Variants in SEC14L2 observed in about 807,000 individuals in gnomAD.
SEC14L2 encodes SEC14 like lipid binding 2, also known as SEC14-like protein 2.
SEC14L2 carries 50 observed loss-of-function variants against 56.9 expected under a neutral mutation model. The observed-to-expected ratio is 0.88, with a 90% CI of 0.70 to 1.11. The LOEUF (loss-of-function observed/expected upper bound fraction) is 1.11. SEC14L2 is among the 50% of genes most tolerant of loss of function. The pLI is 0.00. For synonymous variants in SEC14L2, 179 were observed against 188.5 expected, an observed-to-expected ratio of 0.95 and a Z score of 0.41; for missense variants, 414 against 500.7, an observed-to-expected ratio of 0.83 and a Z score of 1.65.
In SEC14L2 at chr22:30,424,369, T is replaced by C; in HGVS notation, c.*1962T>C. 1 of 172,924 alleles carries C rather than the reference T, an allele frequency of 5.8e-6. No individual in the cohort carries two copies. The highest frequency in any genetic ancestry group is 1.3e-5 in the Non-Finnish European group (1 of 78,852). The allele number at this position is 172,924 out of a possible 1,614,324, so 10.7% of individuals were successfully genotyped here. ...CCCAACCTACAAGCCCAGCTCAGCT[T>C]GAGGTAACTGCTGACCGGACTGTCC... is the stretch of plus-strand genomic sequence containing the variant. On this transcript the variant is annotated 3_prime_UTR_variant, in exon 12 of 12. Transcript: ENST00000615189.
chr22:30,409,169 GCT>G lies in SEC14L2; in HGVS notation c.424-13_424-12del, dbSNP rs753505381. 40 of 1,609,614 alleles carry G rather than the reference GCT, an allele frequency of 2.5e-5. No homozygotes were observed. In the East Asian group the frequency reaches 5.1e-4, roughly 21 times the overall value. ...GTAGGACAGCCTGACAAGACTTCCT[GCT>G]CTCTGTTCCCTGCAGTTGGGGAGGA... On this transcript the variant is annotated splice_polypyrimidine_tract_variant and intron_variant, in intron 5 of 11. Transcript: ENST00000615189.
intron 2 of SEC14L2, among the ~76,000 whole-genome samples, chr22:30,401,585 C>T (rs1933936695): frequency 6.6e-6 from 1 of 151,654 alleles, no homozygotes; most frequent in Admixed American, 6.6e-5. Flanking sequence ...GCGATCTCGG[C>T]TCACTGCAAC....
chr22:30,398,071 G>A (rs1933809244), intron 1 of SEC14L2, among the ~76,000 whole-genome samples: 2 of 152,200 alleles, frequency 1.3e-5, no homozygotes, highest in South Asian at 2.1e-4. Flanking sequence ...GGCTGGGAAA[G>A]GTGGGGCGGG....
chr22:30,407,503 C>G lies in SEC14L2; in HGVS notation c.323C>G (p.Ala108Gly). ...TACGACATAATTGGACCTCTGGATG[C>G]CAAGGGTCTGCTGTTCTCAGCCTCC... ...VWYDIIGPLD[A>G]KGLLFSASKQ... The change falls in exon 5 of 12, where the codon GCC (alanine) becomes GGC (glycine). Residue 108 changes from alanine to glycine, a missense_variant. Ala to Gly is a moderately conservative substitution (Grantham distance 60). Transcript: ENST00000615189. 4.3e-6 allele frequency: 7 copies of G among 1,614,118 alleles called. No homozygotes were observed. The highest frequency in any genetic ancestry group is 5.1e-6 in the Non-Finnish European group (6 of 1,180,020).
chr22:30,418,107 G>A (rs887066937), intron 11 of SEC14L2, among the ~76,000 whole-genome samples: 6 of 152,088 alleles, frequency 3.9e-5, no homozygotes, highest in Admixed American at 6.5e-5. Context: ...TAGTAGAGAC[G>A]AGGTATCGCT....
intron 8 of SEC14L2, among the ~76,000 whole-genome samples, chr22:30,413,675 G>A (rs115507860): frequency 1.0e-3 from 153 of 152,298 alleles, no homozygotes; most frequent in African/African-American, 3.5e-3. Flanking sequence ...ATCTTTTGGT[G>A]ACACACGAGA....
chr22:30,416,448 C>T (rs993723344), intron 11 of SEC14L2, 45 bp downstream of exon 11: 5 of 1,614,156 alleles, frequency 3.1e-6, no homozygotes, highest in Non-Finnish European at 4.2e-6. Flanking sequence ...CCATGTCCAG[C>T]TTTCTGCCTG....
intron 8 of SEC14L2, among the ~76,000 whole-genome samples, chr22:30,415,328 G>A (rs1382332638): frequency 6.6e-6 from 1 of 152,172 alleles, no homozygotes; most frequent in African/African-American, 2.4e-5. Flanking sequence ...AGCTTCTCAG[G>A]AGGCTGAGGC....
intron 11 of SEC14L2, among the ~76,000 whole-genome samples, chr22:30,417,766 G>T (rs185879858): frequency 8.9e-4 from 136 of 152,220 alleles, no homozygotes; most frequent in African/African-American, 2.9e-3. Flanking sequence ...GGTAGTACCA[G>T]CACTACCAGG....
chr22:30,401,824 T>TC (rs1933946338), intron 2 of SEC14L2, among the ~76,000 whole-genome samples: 1 of 152,060 alleles, frequency 6.6e-6, no homozygotes, highest in African/African-American at 2.4e-5. Context: ...ACTCCTGGGA[T>TC]CAAGTGATCC....
In SEC14L2 at chr22:30,416,421, G is replaced by A; in HGVS notation, c.1081+18G>A. 6.2e-7 allele frequency: 1 copy of A among 1,614,218 alleles called. No homozygotes were observed. The highest frequency in any genetic ancestry group is 8.5e-7 in the Non-Finnish European group (1 of 1,180,042). On this transcript the variant is annotated intron_variant, in intron 11 of 11. Transcript: ENST00000615189. The stretch of plus-strand genomic sequence containing the variant: ...TGGCATCTGTAAGTATCTCTGCCTT[G>A]GCAATGCCTTGAAGCCCCATGTCCA...
In SEC14L2 at chr22:30,406,332, C is replaced by G. The variant is rs967351982; in HGVS notation, c.131-10C>G. The stretch of plus-strand genomic sequence containing the variant: ...ACCTAACCCTGACCAGAACTGTTTC[C>G]CTGTTACAGCCAGAAGCTTCGACCT... On this transcript the variant is annotated splice_polypyrimidine_tract_variant and intron_variant, in intron 2 of 11. Transcript: ENST00000615189. 1 of 1,613,992 alleles carries G rather than the reference C, an allele frequency of 6.2e-7. No homozygotes were observed. Among genetic ancestry groups the G allele is most frequent in the Non-Finnish European group, 8.5e-7 (1 of 1,179,940 alleles).
At chr22:30,415,428 G>A (rs1439310499) in intron 8 of SEC14L2, among the ~76,000 whole-genome samples, 1 of 152,176 alleles carries the variant, frequency 6.6e-6, no homozygotes, top group Non-Finnish European at 1.5e-5. Context: ...GTGAGACTCT[G>A]TCTCAAACAG....
chr22:30,398,734 C>T (rs983276183), intron 1 of SEC14L2: 31 of 471,456 alleles, frequency 6.6e-5, no homozygotes, highest in African/African-American at 4.4e-4. Context: ...TTTCTTCCCT[C>T]TGCTCCCCAG....
chr22:30,419,987 C>T (rs1358155346), intron 11 of SEC14L2, among the ~76,000 whole-genome samples: 1 of 143,852 alleles, frequency 7.0e-6, no homozygotes, highest in Non-Finnish European at 1.5e-5. Context: ...GAGTTTTGCT[C>T]TTGTTGCCCA....
chr22:30,401,356 CCCA>C lies in SEC14L2; in HGVS notation c.130+1646_130+1648del, dbSNP rs544008270. Among the ~76,000 whole-genome samples the C allele has an allele frequency of 8.6e-3, 1,223 of 142,732 alleles. 6 individuals are homozygous for C. Among genetic ancestry groups the C allele is most frequent in the Non-Finnish European group, 0.013 (831 of 65,034 alleles). The allele number at this position is 142,732 out of a possible 152,430, so 93.6% of individuals were successfully genotyped here. On this transcript the variant is annotated intron_variant, in intron 2 of 11. Transcript: ENST00000615189. Reference sequence around the variant, plus strand: ...TCCTGAGTAGCTGGGATTATAGGCTCCCACCACCACACCGGCTAAGGGTTTCAC... The same window carrying C: ...TCCTGAGTAGCTGGGATTATAGGCTCCCACCACACCGGCTAAGGGTTTCAC...
intron 8 of SEC14L2, 135 bp downstream of exon 8, chr22:30,410,814 A>G (rs1934228253): frequency 1.3e-6 from 1 of 752,160 alleles, no homozygotes; most frequent in Non-Finnish European, 2.3e-6. Flanking sequence ...CCCAGGAGCA[A>G]GCTGGGGTGG....
chr22:30,422,201 C>T (rs1357694465), intron 11 of SEC14L2, 76 bp from the exon 12 acceptor site: 1 of 1,576,642 alleles, frequency 6.3e-7, no homozygotes, highest in African/African-American at 1.3e-5. Context: ...AGTCACTAAA[C>T]ATCAACAAAA....
chr22:30,403,341 C>T (rs1236027086), intron 2 of SEC14L2, among the ~76,000 whole-genome samples: 1 of 152,194 alleles, frequency 6.6e-6, no homozygotes, highest in Non-Finnish European at 1.5e-5. Flanking sequence ...CAAGAAGGAT[C>T]AGAGAGCAGG....
Sources: gnomAD v4.1 joint callset for allele counts (sites outside exome capture counted in the v4.1 genomes callset) on GRCh38, gnomAD v4.1.1 for gene constraint, MANE v1.5 for transcripts, NCBI Gene and HGNC (gene_info 2026-07-23, HGNC 2026-07-21) for gene names.